BSG: variants seen among roughly 807,000 people sequenced by gnomAD.
The protein encoded by BSG is basigin.
BSG carries 37 observed loss-of-function variants against 43.1 expected under a neutral mutation model. The observed-to-expected ratio is 0.86, with a 90% CI of 0.66 to 1.13. The LOEUF (loss-of-function observed/expected upper bound fraction) is 1.13, where lower values mean the gene tolerates loss of function less well. Among genes scored for constraint, BSG ranks in the 50% most tolerant of loss-of-function variants. The probability of loss-of-function intolerance (pLI) is 0.00; values close to 1 mark genes in which losing one functional copy is unlikely to be tolerated. For missense variants in BSG, 599 were observed against 554.2 expected, an observed-to-expected ratio of 1.08 and a Z score of -0.81; for synonymous variants, 309 against 238.7, an observed-to-expected ratio of 1.29 and a Z score of -2.72.
At chr19:572,554 G>A (rs1981340372), upstream of BSG, 8 of 1,390,712 alleles carry the variant, frequency 5.8e-6, no homozygotes, top group Non-Finnish European at 6.6e-6. Flanking sequence ...CGCCCGGTCC[G>A]CGCCTCCGCC....
At chr19:578,734 AT>A (rs369117622) in intron 2 of BSG, 63,776 of 240,758 alleles carry the variant, frequency 0.26, 3,312 homozygotes, top group South Asian at 0.37. Flanking sequence ...TGCTGTGGCT[AT>A]TTTTTTTTTT....
chr19:581,613 C>G (rs1160965409), intron 6 of BSG, 22 bp downstream of exon 6: 1 of 1,565,034 alleles, frequency 6.4e-7, no homozygotes, highest in East Asian at 2.3e-5. Context: ...GCCCTCCTGC[C>G]CACATGCCCT....
intron 7 of BSG, 87 bp downstream of exon 7, chr19:582,417 T>C: frequency 6.4e-7 from 1 of 1,561,954 alleles, no homozygotes; most frequent in Non-Finnish European, 8.8e-7. Flanking sequence ...CCCCTGGGCT[T>C]CAGTATTCGG....
At chr19:580,812 G>A (rs1600496353) in intron 5 of BSG, 30 bp downstream of exon 5, 1 of 1,573,244 alleles carries the variant, frequency 6.4e-7, no homozygotes, top group African/African-American at 1.4e-5. Flanking sequence ...GGGGGTCCTG[G>A]ACCCAGCCCT....
intron 8 of BSG, 59 bp from the exon 9 acceptor site, chr19:582,691 G>A: frequency 8.0e-7 from 1 of 1,242,964 alleles, no homozygotes; most frequent in Non-Finnish European, 1.1e-6. Context: ...GGGCTCCTGG[G>A]TCCCGCCTGT....
At chr19:579,864 G>A in intron 3 of BSG, 2 of 716,846 alleles carry the variant, frequency 2.8e-6, no homozygotes, top group South Asian at 2.1e-5. Flanking sequence ...CAGCAGCCCT[G>A]GCAGGAGTCC....
chr19:580,654 A>G lies in BSG; in HGVS notation c.664A>G (p.Arg222Gly), dbSNP rs1428005361. Reference protein sequence around the residue: ...TANIQLHGPPRVKAVKSSEHI... With the variant: ...TANIQLHGPPGVKAVKSSEHI... ...TCTCACCCTCCTGTCAGGGCCTCCCAGAGTGAAGGCTGTGAAGTCGTCAGA... is the reference window on the plus strand; with the variant it reads ...TCTCACCCTCCTGTCAGGGCCTCCCGGAGTGAAGGCTGTGAAGTCGTCAGA... Residue 222 changes from arginine to glycine, a missense_variant, in exon 5 of 9, where the codon AGA becomes GGA. Arg to Gly is a moderately radical substitution (Grantham distance 125). Transcript: ENST00000333511. The G allele has an allele frequency of 6.2e-7, 1 of 1,612,688 alleles. No individual in the cohort carries two copies. Among genetic ancestry groups the G allele is most frequent in the East Asian group, 2.2e-5 (1 of 44,884 alleles).
At chr19:574,218 G>A (rs1411772248) in intron 1 of BSG, among the ~76,000 whole-genome samples, 1 of 146,548 alleles carries the variant, frequency 6.8e-6, no homozygotes, top group Admixed American at 7.0e-5. Flanking sequence ...TCATGCCACT[G>A]CACTCCAGCC....
intron 1 of BSG, among the ~76,000 whole-genome samples, chr19:574,616 G>C (rs1191084643): frequency 6.6e-6 from 1 of 152,224 alleles, no homozygotes; most frequent in Non-Finnish European, 1.5e-5. Context: ...AGAGCTGGAG[G>C]GTCTGGCCTC....
chr19:579,112 C>T (rs1294277559), intron 2 of BSG: 8 of 465,342 alleles, frequency 1.7e-5, no homozygotes, highest in African/African-American at 2.0e-5. Flanking sequence ...ATGCCCTGGT[C>T]CCTGCTCAGG....
chr19:574,266 A>AC (rs1437748567), intron 1 of BSG, among the ~76,000 whole-genome samples: 1 of 135,874 alleles, frequency 7.4e-6, no homozygotes, highest in Non-Finnish European at 1.6e-5. Flanking sequence ...AAAAAAAAAA[A>AC]AAAGAGGTCG....
rs759983170 is a variant in BSG, at chr19:577,940, C to T, written c.234C>T (p.Arg78=). The T allele has an allele frequency of 1.9e-5, 30 of 1,609,054 alleles. No homozygotes were observed. Among genetic ancestry groups the T allele is most frequent in the Non-Finnish European group, 2.0e-5 (24 of 1,177,714 alleles). The change falls in exon 2 of 9, where the codon CGC becomes CGT. Residue 78 remains arginine, a synonymous_variant. Transcript: ENST00000333511. ...SQLWDGARLD[R]VHIHATYHQH... ...TCTGGGACGGCGCCCGGCTGGACCG[C>T]GTCCACATCCACGCCACCTACCACC... is the stretch of plus-strand genomic sequence containing the variant.
In BSG at chr19:581,580, A is replaced by T; in HGVS notation, c.1058A>T (p.Asp353Val). 1 of 1,593,664 alleles carries T rather than the reference A, an allele frequency of 6.3e-7. No homozygotes were observed. Among genetic ancestry groups the T allele is most frequent in the Admixed American group, 1.7e-5 (1 of 57,946 alleles). The change falls in exon 6 of 9, where the codon GAC becomes GTC. Residue 353 changes from aspartate (D) to valine (V), a missense_variant. Asp to Val is a radical substitution (Grantham distance 152). Coordinates refer to ENST00000333511, the MANE Select transcript of BSG (RefSeq NM_001728.4). ...TACGAGAAGCGCCGGAAGCCCGAGG[A>T]CGTCCTGGATGGTGAGCCGTCTGCC... ...FIYEKRRKPE[D>V]VLDDDDAGSA... is the part of the protein sequence containing the mutation.
chr19:582,894 G>T lies in BSG; in HGVS notation c.*150G>T. The T allele has an allele frequency of 2.3e-6, 1 of 425,680 alleles. No homozygotes were observed. The highest frequency in any genetic ancestry group is 3.4e-5 in the South Asian group (1 of 29,378). 26.4% of individuals were successfully genotyped at this position (425,680 alleles called of 1,614,324 possible). A position where few individuals can be genotyped will look rare whatever the true frequency, so the allele number is the denominator to read the frequency against. On this transcript the variant is annotated 3_prime_UTR_variant, in exon 9 of 9. Coordinates refer to ENST00000333511, the MANE Select transcript of BSG (RefSeq NM_001728.4). Reference sequence around the variant, plus strand: ...CACTTCCTTCTTTTTTAAAAAAGTTGGGTTTTCTCCATTCAGGATTCTGTT... The same window carrying T: ...CACTTCCTTCTTTTTTAAAAAAGTTTGGTTTTCTCCATTCAGGATTCTGTT...
chr19:576,495 C>T (rs1237533715), intron 1 of BSG, among the ~76,000 whole-genome samples: 2 of 152,232 alleles, frequency 1.3e-5, no homozygotes, highest in African/African-American at 2.4e-5. Flanking sequence ...GGCGCGGTGG[C>T]TCACGCCTGT....
At chr19:571,789 G>A (rs1342512374), upstream of BSG, 6 of 590,134 alleles carry the variant, frequency 1.0e-5, no homozygotes, top group East Asian at 1.7e-4. Flanking sequence ...TTTCCCTGTT[G>A]GCTGGGGTTG....
Position 577,766 on chromosome 19 carries a change from C to G in BSG, c.68-8C>G. ...ACTAACAAGACCCCACGCGTGCTCTCCCCACAGCCGGCTTCGTCCAGGCGC... is the reference window on the plus strand; with the variant it reads ...ACTAACAAGACCCCACGCGTGCTCTGCCCACAGCCGGCTTCGTCCAGGCGC... On this transcript the variant is annotated splice_region_variant and splice_polypyrimidine_tract_variant and intron_variant, in intron 1 of 8. Coordinates refer to ENST00000333511, the MANE Select transcript of BSG (RefSeq NM_001728.4). 3.5e-6 allele frequency: 5 copies of G among 1,411,202 alleles called. No individual in the cohort carries two copies. The highest frequency in any genetic ancestry group is 4.6e-6 in the Non-Finnish European group (5 of 1,081,516). 87.4% of individuals were successfully genotyped at this position (1,411,202 alleles called of 1,614,324 possible).
At chr19:579,383 A>G (rs753940761) in intron 2 of BSG, 117 bp from the exon 3 acceptor site, 7 of 1,416,034 alleles carry the variant, frequency 4.9e-6, no homozygotes, top group Admixed American at 1.7e-5. Flanking sequence ...GCCACGGTGT[A>G]TTTTTGGGAT....
At chr19:581,780 G>C (rs549905410) in intron 6 of BSG, among the ~76,000 whole-genome samples, 189 bp downstream of exon 6, 1 of 152,366 alleles carries the variant, frequency 6.6e-6, no homozygotes, top group South Asian at 2.1e-4. Flanking sequence ...CGGCTCAGTG[G>C]GCAGCGGGAC....
Sources: allele counts gnomAD v4.1 joint callset (sites outside exome capture counted in the v4.1 genomes callset), GRCh38; gene constraint gnomAD v4.1.1; transcripts MANE v1.5; gene names NCBI Gene and HGNC (gene_info 2026-07-23, HGNC 2026-07-21).